Variants in CD46 observed in about 807,000 individuals in gnomAD.
CD46 encodes the protein membrane cofactor protein.
Under a neutral mutation model 53.3 loss-of-function variants are expected in CD46, and 30 were observed. That is an observed-to-expected ratio of 0.56 (90% CI 0.42 to 0.76). The LOEUF is 0.76. CD46 is among the 30% of genes least tolerant of loss of function. CD46 has a pLI of 0.00. For missense variants in CD46, 409 were observed against 463.0 expected, an observed-to-expected ratio of 0.88 and a Z score of 1.07; for synonymous variants, 142 against 152.0, an observed-to-expected ratio of 0.93 and a Z score of 0.48.
chr1:207,783,242 A>C, intron 8 of CD46, 50 bp from the exon 9 acceptor site: 3 of 905,018 alleles, frequency 3.3e-6, no homozygotes, highest in Non-Finnish European at 5.4e-6. Context: ...TTTATATTTA[A>C]TTCTTTCCTT....
chr1:207,772,422 G>C (rs1484354467), intron 8 of CD46, among the ~76,000 whole-genome samples: 3 of 152,190 alleles, frequency 2.0e-5, no homozygotes, highest in Non-Finnish European at 1.5e-5. Flanking sequence ...ACCCTGGCCA[G>C]AACTTCCAAC....
In CD46 at chr1:207,794,691, A is replaced by C. The variant is rs1660095287; in HGVS notation, c.*1214A>C. The C allele has an allele frequency of 6.6e-6, 1 of 152,226 alleles. No homozygotes were observed. Among genetic ancestry groups the C allele is most frequent in the East Asian group, 1.9e-4 (1 of 5,200 alleles). The allele number at this position is 152,226 out of a possible 1,614,324, so 9.4% of individuals were successfully genotyped here. A position where few individuals can be genotyped will look rare whatever the true frequency, so the allele number is the denominator to read the frequency against. On this transcript the variant is annotated 3_prime_UTR_variant, in exon 13 of 13. Transcript: ENST00000367042. The stretch of plus-strand genomic sequence containing the variant: ...TGTCTATTTGCTGTTGATTGTACCA[A>C]GGGATGGAAGAAGTAAATATAGCTC...
At chr1:207,787,191 C>T (rs1273905259) in intron 11 of CD46, among the ~76,000 whole-genome samples, 1 of 152,106 alleles carries the variant, frequency 6.6e-6, no homozygotes, top group Non-Finnish European at 1.5e-5. Flanking sequence ...CTGCCTCAGC[C>T]TCACGAGTAG....
At position 207,773,829 on chromosome 1, in the gene CD46, C is replaced by T. The variant is rs141285491; in HGVS notation, c.943+3467C>T. ...TATGTGGTCAATTTTAGAATAAGTG[C>T]GATGTGGTGCTGAGAAGAATGTATA... is the stretch of plus-strand genomic sequence containing the variant. On this transcript the variant is annotated intron_variant, in intron 8 of 12. Transcript: ENST00000367042. Among the ~76,000 whole-genome samples the T allele has an allele frequency of 5.0e-3, 759 of 152,076 alleles. 14 individuals are homozygous for T. Among genetic ancestry groups the T allele is most frequent in the East Asian group, 0.034 (176 of 5,178 alleles).
At chr1:207,767,561 A>C in intron 6 of CD46, 2 of 1,422,160 alleles carry the variant, frequency 1.4e-6, no homozygotes, top group Non-Finnish European at 2.0e-6. Context: ...AAATGAGAGC[A>C]ATAACTCCCA....
At chr1:207,757,796 C>T (rs1655732971) in intron 3 of CD46, among the ~76,000 whole-genome samples, 154 bp downstream of exon 3, 1 of 152,142 alleles carries the variant, frequency 6.6e-6, no homozygotes, top group African/African-American at 2.4e-5. Context: ...TGGAGATAGG[C>T]AAGATATATA....
At chr1:207,775,490 TG>T (rs1365594018) in intron 8 of CD46, among the ~76,000 whole-genome samples, 2 of 152,224 alleles carry the variant, frequency 1.3e-5, no homozygotes, top group Non-Finnish European at 2.9e-5. Context: ...TTTTCTGCTC[TG>T]GTTTCTCCCA....
chr1:207,780,116 A>G (rs1294501180), intron 8 of CD46, among the ~76,000 whole-genome samples: 1 of 151,788 alleles, frequency 6.6e-6, no homozygotes, highest in Non-Finnish European at 1.5e-5. Flanking sequence ...ATCCATCTCT[A>G]GAATATTATA....
At chr1:207,760,983 C>G in intron 4 of CD46, 1 of 425,460 alleles carries the variant, frequency 2.4e-6, no homozygotes, top group Non-Finnish European at 4.3e-6. Flanking sequence ...ATTTGACATG[C>G]GATTTGGTGG....
chr1:207,777,401 CAG>C (rs1658234018), intron 8 of CD46, among the ~76,000 whole-genome samples: 1 of 151,984 alleles, frequency 6.6e-6, no homozygotes, highest in Non-Finnish European at 1.5e-5. Flanking sequence ...AAACGTGTCA[CAG>C]GGATTTGTTG....
At chr1:207,790,909 C>G (rs1659740062) in intron 12 of CD46, among the ~76,000 whole-genome samples, 1 of 152,190 alleles carries the variant, frequency 6.6e-6, no homozygotes, top group South Asian at 2.1e-4. Flanking sequence ...CACCTTCTGT[C>G]TTTGAACTGA....
At chr1:207,768,063 T>A (rs1657065828) in intron 7 of CD46, 1 of 469,252 alleles carries the variant, frequency 2.1e-6, no homozygotes. Context: ...TTTATATATA[T>A]ATGTTTACAT....
chr1:207,787,323 C>T (rs376469750), intron 11 of CD46, among the ~76,000 whole-genome samples: 67 of 152,262 alleles, frequency 4.4e-4, no homozygotes, highest in African/African-American at 1.5e-3. Flanking sequence ...CCGCCCACCT[C>T]GGCCTCCCAA....
intron 11 of CD46, among the ~76,000 whole-genome samples, chr1:207,789,344 A>G (rs769818961): frequency 1.3e-5 from 2 of 152,158 alleles, no homozygotes; most frequent in East Asian, 3.8e-4. Context: ...ATATTGACTG[A>G]CCCAATTACT....
chr1:207,790,770 A>G (rs761573648), intron 12 of CD46, among the ~76,000 whole-genome samples: 18 of 152,378 alleles, frequency 1.2e-4, no homozygotes, highest in Non-Finnish European at 1.6e-4. Flanking sequence ...CAACGTATAA[A>G]TAACTCTGTA....
At chr1:207,775,792 G>T (rs1389407474) in intron 8 of CD46, among the ~76,000 whole-genome samples, 1 of 152,192 alleles carries the variant, frequency 6.6e-6, no homozygotes, top group Non-Finnish European at 1.5e-5. Flanking sequence ...CCGCTACTGG[G>T]AGGTCTTTCC....
intron 11 of CD46, among the ~76,000 whole-genome samples, chr1:207,786,309 G>A (rs949784986): frequency 6.6e-6 from 1 of 152,028 alleles, no homozygotes; most frequent in Admixed American, 6.6e-5. Context: ...TTGCTGAGAG[G>A]GGTTAGATCT....
chr1:207,770,281 A>G, intron 7 of CD46, 40 bp from the exon 8 acceptor site: 4 of 1,401,468 alleles, frequency 2.9e-6, no homozygotes, highest in Non-Finnish European at 3.0e-6. Flanking sequence ...TATATTGATA[A>G]GGCCCTGGTG....
At chr1:207,772,391 A>C (rs913033512) in intron 8 of CD46, among the ~76,000 whole-genome samples, 1 of 152,072 alleles carries the variant, frequency 6.6e-6, no homozygotes, top group African/African-American at 2.4e-5. Context: ...AATACCCTTT[A>C]TTTCTTTTTC....
Sources: allele counts gnomAD v4.1 joint callset (sites outside exome capture counted in the v4.1 genomes callset), GRCh38; gene constraint gnomAD v4.1.1; transcripts MANE v1.5; gene names NCBI Gene and HGNC (gene_info 2026-07-23, HGNC 2026-07-21).